The following PDCD1LG2 variants were observed in gnomAD, a reference collection of about 807,000 sequenced individuals.
PDCD1LG2 encodes the protein B7 dendritic cell molecule.
Under a neutral mutation model 28.2 loss-of-function variants are expected in PDCD1LG2, and 32 were observed. The ratio of observed to expected loss-of-function variants is 1.13; its 90% CI spans 0.86 to 1.52. PDCD1LG2 has a LOEUF of 1.52. Among genes scored for constraint, PDCD1LG2 ranks in the 40% most tolerant of loss-of-function variants. The probability of loss-of-function intolerance (pLI) is 0.00; values close to 1 mark genes in which losing one functional copy is unlikely to be tolerated. For synonymous variants in PDCD1LG2, 116 were observed against 120.2 expected, an observed-to-expected ratio of 0.97 and a Z score of 0.23; for missense variants, 385 against 323.8, an observed-to-expected ratio of 1.19 and a Z score of -1.45.
chr9:5,552,636 T>C (rs1252779674), intron 4 of PDCD1LG2, among the ~76,000 whole-genome samples: 1 of 152,206 alleles, frequency 6.6e-6, no homozygotes, highest in African/African-American at 2.4e-5. Context: ...AGATATCTGA[T>C]GCTTTATGCC....
At chr9:5,558,273 T>G (rs1328999392) in intron 5 of PDCD1LG2, among the ~76,000 whole-genome samples, 1 of 152,208 alleles carries the variant, frequency 6.6e-6, no homozygotes. Flanking sequence ...GGTGGTGCAT[T>G]AACGTCTTTC....
At chr9:5,553,997 A>G (rs1418101016) in intron 4 of PDCD1LG2, among the ~76,000 whole-genome samples, 1 of 151,766 alleles carries the variant, frequency 6.6e-6, no homozygotes, top group African/African-American at 2.4e-5. Context: ...TTCCCTCTCT[A>G]CTAGCTCCAA....
intron 2 of PDCD1LG2, among the ~76,000 whole-genome samples, chr9:5,531,665 G>C (rs913535739): frequency 6.6e-6 from 1 of 152,136 alleles, no homozygotes; most frequent in African/African-American, 2.4e-5. Flanking sequence ...GAAGTTATAG[G>C]CGTTCCCTTT....
Position 5,557,267 on chromosome 9 carries a change from T to G in PDCD1LG2, c.632-351T>G, listed in dbSNP as rs71498624. Among the ~76,000 whole-genome samples the G allele has an allele frequency of 3.8e-3, 568 of 151,434 alleles. 3 individuals are homozygous for G. Among genetic ancestry groups the G allele is most frequent in the East Asian group, 0.023 (117 of 5,160 alleles). On this transcript the variant is annotated intron_variant, in intron 4 of 6. Coordinates refer to ENST00000397747, the MANE Select transcript of PDCD1LG2 (RefSeq NM_025239.4). ...ATGATTAGATGATAGATGGATGGATTGATGGATGGATGGAAAAAAATAACA... is the reference window on the plus strand; with the variant it reads ...ATGATTAGATGATAGATGGATGGATGGATGGATGGATGGAAAAAAATAACA...
intron 2 of PDCD1LG2, among the ~76,000 whole-genome samples, chr9:5,534,080 C>T (rs1467495257): frequency 6.6e-6 from 1 of 151,842 alleles, no homozygotes; most frequent in African/African-American, 2.4e-5. Flanking sequence ...CCTTTTTGTG[C>T]CTCATTTTTG....
intron 4 of PDCD1LG2, among the ~76,000 whole-genome samples, chr9:5,552,950 A>T (rs1371432333): frequency 2.6e-5 from 4 of 152,274 alleles, no homozygotes; most frequent in Middle Eastern, 6.8e-3. Context: ...ACTGAAATCA[A>T]AACATTAGAG....
intron 5 of PDCD1LG2, among the ~76,000 whole-genome samples, chr9:5,560,233 A>G (rs1461677052): frequency 6.6e-6 from 1 of 152,182 alleles, no homozygotes; most frequent in Non-Finnish European, 1.5e-5. Flanking sequence ...AAGTACCCAC[A>G]TGCCCATCTT....
At chr9:5,536,822 CT>C (rs1335833065) in intron 3 of PDCD1LG2, among the ~76,000 whole-genome samples, 1 of 152,192 alleles carries the variant, frequency 6.6e-6, no homozygotes, top group East Asian at 1.9e-4. Context: ...AAGTGAGTTC[CT>C]AGATCCTCAT....
At chr9:5,545,541 G>T (rs1451244067) in intron 3 of PDCD1LG2, among the ~76,000 whole-genome samples, 2 of 152,048 alleles carry the variant, frequency 1.3e-5, no homozygotes, top group African/African-American at 4.8e-5. Context: ...AGATAACAAG[G>T]GACACTTCAT....
chr9:5,561,413 GA>G (rs1415324802), intron 5 of PDCD1LG2, among the ~76,000 whole-genome samples: 2 of 152,190 alleles, frequency 1.3e-5, no homozygotes, highest in Admixed American at 1.3e-4. Flanking sequence ...GTGAGGCTCA[GA>G]AAAGTTATAT....
At chr9:5,549,953 G>A (rs1816296882) in intron 4 of PDCD1LG2, among the ~76,000 whole-genome samples, 1 of 152,168 alleles carries the variant, frequency 6.6e-6, no homozygotes, top group African/African-American at 2.4e-5. Context: ...CCAATCTCCT[G>A]CTAGCACCTC....
intron 5 of PDCD1LG2, among the ~76,000 whole-genome samples, chr9:5,559,894 A>T (rs1044283039): frequency 6.6e-6 from 1 of 152,310 alleles, no homozygotes; most frequent in African/African-American, 2.4e-5. Flanking sequence ...CTCTAACCAC[A>T]CAGGATTTTC....
chr9:5,549,034 G>T (rs1014545200), intron 3 of PDCD1LG2, among the ~76,000 whole-genome samples: 1 of 152,046 alleles, frequency 6.6e-6, no homozygotes, highest in Non-Finnish European at 1.5e-5. Flanking sequence ...TTCAAATATT[G>T]GTCCTACCAG....
intron 3 of PDCD1LG2, among the ~76,000 whole-genome samples, chr9:5,544,759 C>T (rs1820759871): frequency 6.6e-6 from 1 of 152,234 alleles, no homozygotes; most frequent in East Asian, 1.9e-4. Flanking sequence ...AACTTGGAGA[C>T]AATCTCCAAG....
At chr9:5,537,684 A>T (rs1419214688) in intron 3 of PDCD1LG2, among the ~76,000 whole-genome samples, 1 of 152,214 alleles carries the variant, frequency 6.6e-6, no homozygotes, top group Non-Finnish European at 1.5e-5. Context: ...AACAATGAGA[A>T]CACATGGACA....
In PDCD1LG2 at chr9:5,557,714, T is replaced by G; in HGVS notation, c.728T>G (p.Leu243Arg). 1 of 1,613,958 alleles carries G rather than the reference T, an allele frequency of 6.2e-7. No homozygotes were observed. The highest frequency in any genetic ancestry group is 1.1e-5 in the South Asian group (1 of 91,080). ...AFIFIATVIA[L>R]RKQLCQKLYS... Reference sequence around the variant, plus strand: ...ATTTTCATAGCCACAGTGATAGCCCTAAGAAAACAACTCTGTCAAAAGCTG... The same window carrying G: ...ATTTTCATAGCCACAGTGATAGCCCGAAGAAAACAACTCTGTCAAAAGCTG... Residue 243 changes from leucine to arginine, a missense_variant, in exon 5 of 7, where the codon CTA becomes CGA. Physicochemically the swap from Leu to Arg is moderately radical, Grantham distance 102 (BLOSUM62 -2). Transcript: ENST00000397747.
rs147329901 is a variant in PDCD1LG2, at chr9:5,514,199, G to A, written c.-15+3396G>A. On this transcript the variant is annotated intron_variant, in intron 1 of 6. Transcript: ENST00000397747. ...TGCCTCACTTATTGCACAGACCAGA[G>A]AATTCCATAAAAGCACTGGCTGTGT... 1.1e-4 allele frequency among the ~76,000 whole-genome samples: 17 copies of A among 152,340 alleles called. No homozygotes were observed. In the East Asian group the frequency reaches 3.1e-3, roughly 28 times the overall value.
At chr9:5,545,822 T>G (rs1816192229) in intron 3 of PDCD1LG2, among the ~76,000 whole-genome samples, 1 of 152,194 alleles carries the variant, frequency 6.6e-6, no homozygotes, top group South Asian at 2.1e-4. Context: ...GAACACACAT[T>G]GTTTTCAAGC....
intron 2 of PDCD1LG2, among the ~76,000 whole-genome samples, chr9:5,530,464 A>G (rs967037299): frequency 3.3e-5 from 5 of 149,732 alleles, no homozygotes; most frequent in African/African-American, 1.3e-4. Context: ...TCTTTTCCTT[A>G]GCATACAGCA....
Sources: gnomAD v4.1 joint callset for allele counts (sites outside exome capture counted in the v4.1 genomes callset) on GRCh38, gnomAD v4.1.1 for gene constraint, MANE v1.5 for transcripts, NCBI Gene and HGNC (gene_info 2026-07-23, HGNC 2026-07-21) for gene names.